The following RIMBP2 variants were observed in gnomAD, a reference collection of about 807,000 sequenced individuals.
RIMBP2 encodes RIMS-binding protein 2.
A neutral mutation model predicts 118.6 loss-of-function variants in RIMBP2; 48 were observed. That is an observed-to-expected ratio of 0.40 (90% CI 0.32 to 0.51). The LOEUF (loss-of-function observed/expected upper bound fraction) is 0.51. RIMBP2 is among the 20% of genes least tolerant of loss of function. RIMBP2 has a pLI of 0.41. For missense variants in RIMBP2, 1,551 were observed against 1,768.3 expected (o/e 0.88, Z 2.20); for synonymous variants, 762 against 742.9 (o/e 1.03, Z -0.42).
chr12:130,600,019 T>G (rs574030060), intron 2 of RIMBP2, among the ~76,000 whole-genome samples: 82 of 152,294 alleles, frequency 5.4e-4, no homozygotes, highest in Non-Finnish European at 1.1e-3. Context: ...CTTACCTACC[T>G]GCGACCTGGG....
intron 6 of RIMBP2, chr12:130,464,893 G>A (rs1470891724): frequency 6.6e-6 from 1 of 152,270 alleles, no homozygotes; most frequent in African/African-American, 2.4e-5. Context: ...AGCAGGCCCA[G>A]CGCCTGGGAC....
In RIMBP2 at chr12:130,445,171, C is replaced by T. The variant is rs1432844677; in HGVS notation, c.680G>A (p.Gly227Glu). The T allele has an allele frequency of 6.2e-7, 1 of 1,606,656 alleles. No homozygotes were observed. The highest frequency in any genetic ancestry group is 1.7e-5 in the Admixed American group (1 of 58,698). ...LYVYGDMDED[G>E]FYEGELLDGQ... ...GTTCCAACAGAGACCTTCATAGAAC[C>T]CATCCTCATCCATGTCTCCATAGAC... The change falls in exon 10 of 23, where the codon GGG becomes GAG. Residue 227 changes from glycine to glutamate, a missense_variant. By Grantham distance (98) the Gly-to-Glu change is moderately conservative. Around this residue, in one of 5 missense-constraint regions of RIMBP2, gnomAD observed 265 missense variants for 349.5 expected, o/e 0.76. Coordinates refer to ENST00000690449, the MANE Select transcript of RIMBP2 (RefSeq NM_001393629.1).
intron 1 of RIMBP2, among the ~76,000 whole-genome samples, chr12:130,652,775 C>A (rs1396370492): frequency 6.6e-6 from 1 of 152,126 alleles, no homozygotes; most frequent in East Asian, 1.9e-4. Context: ...TCTGGTGAGA[C>A]CTCACAGAAC....
At chr12:130,413,477 A>G (rs1476967326) in intron 18 of RIMBP2, among the ~76,000 whole-genome samples, 2 of 151,904 alleles carry the variant, frequency 1.3e-5, no homozygotes, top group East Asian at 1.9e-4. Context: ...TAAAAATGCA[A>G]AAAAATTTAG....
At chr12:130,663,919 C>T (rs914293381) in intron 1 of RIMBP2, among the ~76,000 whole-genome samples, 1 of 151,634 alleles carries the variant, frequency 6.6e-6, no homozygotes, top group Admixed American at 6.6e-5. Context: ...ACATACGAGG[C>T]AGGTTGAATA....
intron 2 of RIMBP2, among the ~76,000 whole-genome samples, chr12:130,546,505 A>G (rs1467233984): frequency 6.6e-6 from 1 of 152,168 alleles, no homozygotes; most frequent in Non-Finnish European, 1.5e-5. Flanking sequence ...CGTGTTGGCC[A>G]GGCTGGTCTC....
intron 19 of RIMBP2, among the ~76,000 whole-genome samples, chr12:130,408,989 T>C (rs967591826): frequency 6.7e-6 from 1 of 149,484 alleles, no homozygotes; most frequent in African/African-American, 2.4e-5. Flanking sequence ...ACATGTGTCC[T>C]CTGCAGGACC....
chr12:130,487,712 T>A (rs2082604625), intron 4 of RIMBP2, among the ~76,000 whole-genome samples: 1 of 152,212 alleles, frequency 6.6e-6, no homozygotes, highest in Non-Finnish European at 1.5e-5. Context: ...TGTCATCCTT[T>A]CCATCCCACT....
chr12:130,480,188 T>C (rs1173350596), intron 4 of RIMBP2, among the ~76,000 whole-genome samples: 1 of 117,968 alleles, frequency 8.5e-6, no homozygotes, highest in African/African-American at 3.3e-5. Context: ...TTCATTGTCA[T>C]TTCCTTTCAT....
chr12:130,473,143 A>G (rs2081144909), intron 5 of RIMBP2, among the ~76,000 whole-genome samples: 2 of 152,260 alleles, frequency 1.3e-5, no homozygotes, highest in Non-Finnish European at 2.9e-5. Context: ...TTCCAGCTTC[A>G]GATGAAAACC....
intron 12 of RIMBP2, 136 bp downstream of exon 12, chr12:130,438,229 T>G (rs895312062): frequency 6.6e-6 from 6 of 913,918 alleles, no homozygotes; most frequent in African/African-American, 5.1e-5. Flanking sequence ...GCTGATGGAG[T>G]CTTCGGGGTT....
chr12:130,531,836 T>C (rs1231538334), intron 2 of RIMBP2, among the ~76,000 whole-genome samples: 1 of 151,032 alleles, frequency 6.6e-6, no homozygotes, highest in Admixed American at 6.6e-5. Flanking sequence ...CTCTAGGAGT[T>C]ACGTCTAATG....
intron 2 of RIMBP2, among the ~76,000 whole-genome samples, chr12:130,534,181 A>AAGAG: frequency 1.1e-5 from 1 of 93,922 alleles, no homozygotes; most frequent in Non-Finnish European, 2.1e-5. Context: ...AAAAAAAAAA[A>AAGAG]AGAGAGAGAG....
intron 2 of RIMBP2, among the ~76,000 whole-genome samples, chr12:130,541,319 T>C (rs2054583605): frequency 6.6e-6 from 1 of 152,192 alleles, no homozygotes; most frequent in African/African-American, 2.4e-5. Flanking sequence ...CACAGAGGGA[T>C]CCCTCTAGGA....
chr12:130,607,619 C>T (rs1002645243), intron 2 of RIMBP2, among the ~76,000 whole-genome samples: 6 of 151,874 alleles, frequency 4.0e-5, no homozygotes, highest in Non-Finnish European at 8.8e-5. Flanking sequence ...TCATCCTCAC[C>T]GGCGACTGTT....
intron 2 of RIMBP2, 99 bp from the exon 3 acceptor site, chr12:130,518,016 G>T: frequency 3.9e-6 from 1 of 259,710 alleles, no homozygotes; most frequent in Non-Finnish European, 6.0e-6. Context: ...TGAGACCCAA[G>T]GTTGGGCACT....
chr12:130,416,384 C>T (rs1160955562), intron 17 of RIMBP2, among the ~76,000 whole-genome samples: 4 of 152,144 alleles, frequency 2.6e-5, no homozygotes, highest in African/African-American at 4.8e-5. Flanking sequence ...GACACACAGA[C>T]TAATGGAACA....
At chr12:130,569,878 A>G (rs2057499817) in intron 2 of RIMBP2, among the ~76,000 whole-genome samples, 1 of 152,216 alleles carries the variant, frequency 6.6e-6, no homozygotes, top group Admixed American at 6.5e-5. Context: ...ATATGGCCTG[A>G]TACAACATGA....
chr12:130,601,335 C>CAAAAAAAAAAAA (rs35127958), intron 2 of RIMBP2, among the ~76,000 whole-genome samples: 3 of 63,080 alleles, frequency 4.8e-5, no homozygotes, highest in East Asian at 5.5e-4. Flanking sequence ...AGAGGGCAGG[C>CAAAAAAAAAAAA]AAAAAAAAAA....
Sources: allele counts gnomAD v4.1 joint callset (sites outside exome capture counted in the v4.1 genomes callset), GRCh38; gene constraint gnomAD v4.1.1; regional missense constraint gnomAD v4.1.1; transcripts MANE v1.5; gene names NCBI Gene and HGNC (gene_info 2026-07-23, HGNC 2026-07-21).